The following USP53 variants were observed in gnomAD, a reference collection of about 807,000 sequenced individuals.
USP53 encodes ubiquitin specific peptidase 53, also known as ubiquitin carboxyl-terminal hydrolase 53.
Under a neutral mutation model 94.9 loss-of-function variants are expected in USP53, and 71 were observed. The observed-to-expected ratio is 0.75, with a 90% CI of 0.62 to 0.91. The LOEUF (loss-of-function observed/expected upper bound fraction) is 0.91. USP53 is among the 40% of genes least tolerant of loss of function. USP53 has a pLI of 0.00. For missense variants in USP53, 1,173 were observed against 1,281.0 expected (o/e 0.92, Z 1.29); for synonymous variants, 375 against 422.7 (o/e 0.89, Z 1.39).
rs536102012 is a variant in USP53, at chr4:119,295,169, T to C, written c.*1958T>C. The C allele has an allele frequency of 5.3e-5, 8 of 152,260 alleles. No individual in the cohort carries two copies. The East Asian group carries it at 1.2e-3, about 22-fold the overall frequency. The allele number at this position is 152,260 out of a possible 1,614,324, so 9.4% of individuals were successfully genotyped here. A position where few individuals can be genotyped will look rare whatever the true frequency, so the allele number is the denominator to read the frequency against. ...ACTCAGTTGAGTTGTAGATATCAAA[T>C]AGAAATGTCCAGTTTTGCCTCTTTT... is the stretch of plus-strand genomic sequence containing the variant. On this transcript the variant is annotated 3_prime_UTR_variant, in exon 19 of 19. Coordinates refer to ENST00000692078, the MANE Select transcript of USP53 (RefSeq NM_001371395.1).
chr4:119,273,585 G>C (rs1415339257), intron 16 of USP53, 47 bp from the exon 17 acceptor site: 1 of 1,407,764 alleles, frequency 7.1e-7, no homozygotes, highest in Non-Finnish European at 9.9e-7. Context: ...ACTAAACAAA[G>C]GCAGTCCATA....
intron 6 of USP53, among the ~76,000 whole-genome samples, chr4:119,245,786 C>A (rs1168249414): frequency 3.3e-5 from 5 of 152,162 alleles, no homozygotes; most frequent in Non-Finnish European, 5.9e-5. Flanking sequence ...AAAAATCCCT[C>A]TTCTCATAGA....
chr4:119,269,965 G>T, intron 15 of USP53, 128 bp downstream of exon 15: 1 of 298,796 alleles, frequency 3.3e-6, no homozygotes, highest in Non-Finnish European at 5.4e-6. Context: ...AAATATATAA[G>T]TTAAATATAT....
chr4:119,250,248 C>G (rs1331000618), intron 7 of USP53, among the ~76,000 whole-genome samples: 1 of 152,110 alleles, frequency 6.6e-6, no homozygotes, highest in Non-Finnish European at 1.5e-5. Context: ...ATACTCAAAA[C>G]TTTAAAAATC....
chr4:119,293,288 C>T lies in USP53; in HGVS notation c.*77C>T. On this transcript the variant is annotated 3_prime_UTR_variant, in exon 19 of 19. Coordinates refer to ENST00000692078, the MANE Select transcript of USP53 (RefSeq NM_001371395.1). ...CTTCTGAACAAAGATATAAACCTAGCATACATTGTAATAGATAACTGGTAA... is the reference window on the plus strand; with the variant it reads ...CTTCTGAACAAAGATATAAACCTAGTATACATTGTAATAGATAACTGGTAA... 6.8e-7 allele frequency: 1 copy of T among 1,466,206 alleles called. No homozygotes were observed. Among genetic ancestry groups the T allele is most frequent in the Non-Finnish European group, 9.0e-7 (1 of 1,106,490 alleles). 90.8% of individuals were successfully genotyped at this position (1,466,206 alleles called of 1,614,324 possible).
chr4:119,251,555 C>G (rs1230268708), intron 7 of USP53, among the ~76,000 whole-genome samples: 2 of 152,194 alleles, frequency 1.3e-5, no homozygotes, highest in South Asian at 2.1e-4. Flanking sequence ...TCTGCAACCT[C>G]TCCAGCATCT....
At chr4:119,272,817 C>A (rs1752046799) in intron 16 of USP53, 1 of 152,094 alleles carries the variant, frequency 6.6e-6, no homozygotes, top group Non-Finnish European at 1.5e-5. Flanking sequence ...GATATTTTCC[C>A]TTTAGCAAAT....
intron 7 of USP53, among the ~76,000 whole-genome samples, chr4:119,250,143 A>C (rs1409283529): frequency 2.0e-5 from 3 of 152,156 alleles, no homozygotes; most frequent in Non-Finnish European, 4.4e-5. Context: ...TAGTGAGATT[A>C]TTCCATTCTG....
rs562264070 is a variant in USP53 at position 119,268,168 on chromosome 4, C to T, written c.1136-100C>T. The stretch of plus-strand genomic sequence containing the variant: ...CGGCCTGGGCGACAGAGCGAGACTC[C>T]GTCTCAAAAAAAAAAAAAAAAAAAA... On this transcript the variant is annotated intron_variant, in intron 13 of 18. Coordinates refer to ENST00000692078, the MANE Select transcript of USP53 (RefSeq NM_001371395.1). The T allele has an allele frequency of 4.4e-4, 497 of 1,122,286 alleles. 7 individuals carry two copies. In the East Asian group the frequency reaches 0.011, roughly 25 times the overall value. The allele number at this position is 1,122,286 out of a possible 1,614,324, so 69.5% of individuals were successfully genotyped here.
At chr4:119,216,287 A>G (rs2149252762) in intron 2 of USP53, among the ~76,000 whole-genome samples, 1 of 152,204 alleles carries the variant, frequency 6.6e-6, no homozygotes, top group East Asian at 1.9e-4. Flanking sequence ...AGGCTGAGGC[A>G]GGAGAATCAC....
chr4:119,245,980 T>C (rs1748177693), intron 6 of USP53, among the ~76,000 whole-genome samples: 1 of 152,082 alleles, frequency 6.6e-6, no homozygotes, highest in Non-Finnish European at 1.5e-5. Flanking sequence ...GCCTTCCAGG[T>C]AGACAAAGAA....
At chr4:119,213,999 G>T (rs1053345514) in intron 1 of USP53, 71 bp from the exon 2 acceptor site, 2 of 151,894 alleles carry the variant, frequency 1.3e-5, no homozygotes, top group Non-Finnish European at 2.9e-5. Context: ...AGTAGCAAGT[G>T]CTAACACAAA....
chr4:119,243,358 C>T (rs954205210), intron 5 of USP53, among the ~76,000 whole-genome samples: 1 of 151,938 alleles, frequency 6.6e-6, no homozygotes, highest in Non-Finnish European at 1.5e-5. Flanking sequence ...ATTAGCTGGG[C>T]GTGGTGGCAG....
At chr4:119,287,875 G>A (rs1372732225) in intron 17 of USP53, among the ~76,000 whole-genome samples, 1 of 152,092 alleles carries the variant, frequency 6.6e-6, no homozygotes, top group Non-Finnish European at 1.5e-5. Context: ...ACCCTGGATT[G>A]GTTTAAATGC....
chr4:119,268,233 G>A (rs777428037), intron 13 of USP53, 35 bp from the exon 14 acceptor site: 3 of 1,549,902 alleles, frequency 1.9e-6, no homozygotes, highest in Middle Eastern at 2.2e-4. Flanking sequence ...TCATGGGAAG[G>A]AAAGGAATGA....
chr4:119,238,430 G>A (rs925914779), intron 4 of USP53, among the ~76,000 whole-genome samples: 2 of 152,182 alleles, frequency 1.3e-5, no homozygotes, highest in Non-Finnish European at 2.9e-5. Flanking sequence ...GATTATGCTT[G>A]CTATCGTATA....
chr4:119,283,702 T>G, intron 17 of USP53, among the ~76,000 whole-genome samples: 1 of 151,956 alleles, frequency 6.6e-6, no homozygotes, highest in African/African-American at 2.4e-5. Context: ...ACAACTAGAT[T>G]TACTATTTAG....
chr4:119,261,722 A>G lies in USP53; in HGVS notation c.830A>G (p.Tyr277Cys), dbSNP rs758059319. ...ACCAATTTTTTTAAACAGCTTTTTTATAGAGTTACTGATGAAAATGCCAAA... is the reference window on the plus strand; with the variant it reads ...ACCAATTTTTTTAAACAGCTTTTTTGTAGAGTTACTGATGAAAATGCCAAA... The part of the protein sequence containing the change: ...ATHLYLPGLF[Y>C]RVTDENAKNS... Residue 277 changes from tyrosine to cysteine, a missense_variant, in exon 12 of 19, where the codon TAT becomes TGT. Coordinates refer to ENST00000692078, the MANE Select transcript of USP53 (RefSeq NM_001371395.1). 1.9e-6 allele frequency: 3 copies of G among 1,569,644 alleles called. No homozygotes were observed. Among genetic ancestry groups the G allele is most frequent in the East Asian group, 2.3e-5 (1 of 44,010 alleles).
chr4:119,249,224 C>G (rs1748640249), intron 7 of USP53, among the ~76,000 whole-genome samples: 1 of 152,078 alleles, frequency 6.6e-6, no homozygotes, highest in Non-Finnish European at 1.5e-5. Context: ...ACATTCCCAG[C>G]AGTAATAGTT....
Sources: gnomAD v4.1 joint callset for allele counts (sites outside exome capture counted in the v4.1 genomes callset) on GRCh38, gnomAD v4.1.1 for gene constraint, MANE v1.5 for transcripts, NCBI Gene and HGNC (gene_info 2026-07-23, HGNC 2026-07-21) for gene names.